MRTFB: variants seen among roughly 807,000 people sequenced by gnomAD.
MRTFB encodes the protein myocardin-related transcription factor B.
In MRTFB, 29 loss-of-function variants were observed where a neutral mutation model predicts 104.2. The observed-to-expected ratio is 0.28, with a 90% CI of 0.21 to 0.38. MRTFB has a LOEUF of 0.38. Ranked by LOEUF, MRTFB falls within the 10% of genes least tolerant of loss-of-function variation. The pLI is 1.00. For missense variants in MRTFB, 1,270 were observed against 1,341.6 expected, an observed-to-expected ratio of 0.95 and a Z score of 0.83; for synonymous variants, 535 against 519.5, an observed-to-expected ratio of 1.03 and a Z score of -0.41.
chr16:14,254,112 G>C (rs897194016), intron 15 of MRTFB, among the ~76,000 whole-genome samples: 4 of 152,188 alleles, frequency 2.6e-5, no homozygotes, highest in Non-Finnish European at 5.9e-5. Flanking sequence ...CTAGGTTCCT[G>C]TTTATAGACT....
the MRTFB span, among the ~76,000 whole-genome samples, chr16:14,011,738 G>C: frequency 6.6e-6 from 1 of 152,122 alleles, no homozygotes; most frequent in Admixed American, 6.5e-5. Context: ...TGGGCGTGGT[G>C]GTGGGCGCCT....
intron 2 of MRTFB, among the ~76,000 whole-genome samples, chr16:14,133,582 C>G (rs959854867): frequency 6.6e-6 from 1 of 152,034 alleles, no homozygotes; most frequent in African/African-American, 2.4e-5. Context: ...TTCTCTTTCC[C>G]TTTCTTTCGT....
At chr16:14,239,164 GA>G (rs2042654232) in intron 9 of MRTFB, among the ~76,000 whole-genome samples, 2 of 150,960 alleles carry the variant, frequency 1.3e-5, no homozygotes, top group Admixed American at 1.3e-4. Flanking sequence ...AGGGATTTAA[GA>G]ATTCATGACA....
At chr16:14,175,509 G>A (rs2039551621) in intron 3 of MRTFB, among the ~76,000 whole-genome samples, 1 of 152,176 alleles carries the variant, frequency 6.6e-6, no homozygotes, top group Non-Finnish European at 1.5e-5. Context: ...ATGGGCAGAT[G>A]ATTGCAGTTT....
chr16:14,024,204 T>A, the MRTFB span, among the ~76,000 whole-genome samples: 17 of 152,240 alleles, frequency 1.1e-4, no homozygotes. Flanking sequence ...GTGCATTTGC[T>A]CAGCATCTAT....
At chr16:14,229,851 G>A (rs1374292459) in intron 8 of MRTFB, among the ~76,000 whole-genome samples, 1 of 152,054 alleles carries the variant, frequency 6.6e-6, no homozygotes, top group African/African-American at 2.4e-5. Flanking sequence ...CGTGAGACCT[G>A]TAACCTGTAA....
At chr16:14,155,471 TC>T (rs2038794149) in intron 3 of MRTFB, among the ~76,000 whole-genome samples, 1 of 152,212 alleles carries the variant, frequency 6.6e-6, no homozygotes, top group South Asian at 2.1e-4. Flanking sequence ...TTTTCCTGCT[TC>T]CTGGTGTAAG....
chr16:14,047,171 G>T, the MRTFB span, among the ~76,000 whole-genome samples: 10 of 152,150 alleles, frequency 6.6e-5, no homozygotes, highest in Non-Finnish European at 1.2e-4. Context: ...GATGCTTTTG[G>T]CTGCAAGTAT....
At chr16:14,227,280 AAAAAC>A (rs1221459466) in intron 8 of MRTFB, among the ~76,000 whole-genome samples, 2 of 145,918 alleles carry the variant, frequency 1.4e-5, no homozygotes, top group African/African-American at 5.5e-5. Context: ...TTGTTGTTAA[AAAAAC>A]AAAAACAAAA....
chr16:14,006,020 C>T, the MRTFB span, among the ~76,000 whole-genome samples: 8 of 151,948 alleles, frequency 5.3e-5, no homozygotes, highest in Non-Finnish European at 8.8e-5. Flanking sequence ...CCATCCTGGC[C>T]AACATGGTGA....
At chr16:14,126,550 C>T (rs978388110) in intron 2 of MRTFB, among the ~76,000 whole-genome samples, 3 of 152,138 alleles carry the variant, frequency 2.0e-5, no homozygotes, top group South Asian at 4.2e-4. Flanking sequence ...TATTATTTCA[C>T]ATAATCGATG....
chr16:14,241,803 T>G (rs865839433), intron 10 of MRTFB, among the ~76,000 whole-genome samples: 5 of 152,198 alleles, frequency 3.3e-5, no homozygotes, highest in African/African-American at 9.6e-5. Context: ...GTTACTATTT[T>G]AAGAGCAGGC....
intron 2 of MRTFB, among the ~76,000 whole-genome samples, chr16:14,122,150 A>G (rs1449250527): frequency 6.6e-6 from 1 of 151,608 alleles, no homozygotes; most frequent in Non-Finnish European, 1.5e-5. Flanking sequence ...TGTTATATAT[A>G]TACACATAGG....
chr16:14,093,370 G>A (rs1021111219), intron 2 of MRTFB, among the ~76,000 whole-genome samples: 26 of 151,596 alleles, frequency 1.7e-4, no homozygotes, highest in African/African-American at 6.3e-4. Context: ...TTGTGTTTTT[G>A]CATATTGCCT....
chr16:13,995,994 G>A, the MRTFB span, among the ~76,000 whole-genome samples: 51 of 152,196 alleles, frequency 3.4e-4, no homozygotes, highest in Middle Eastern at 6.8e-3. Context: ...CCAGGCAGCC[G>A]GGCACGGTGG....
In MRTFB at chr16:14,240,268, A is replaced by C; in HGVS notation, c.863A>C (p.His288Pro). 1 of 1,609,830 alleles carries C rather than the reference A, an allele frequency of 6.2e-7. No homozygotes were observed. Among genetic ancestry groups the C allele is most frequent in the South Asian group, 1.1e-5 (1 of 89,944 alleles). The change falls in exon 10 of 17, where the codon CAC (histidine) becomes CCC (proline). Residue 288 changes from histidine (H) to proline (P), a missense_variant. By Grantham distance (77) the His-to-Pro change is moderately conservative. Coordinates refer to ENST00000571589, the MANE Select transcript of MRTFB (RefSeq NM_001308142.2). Reference protein sequence around the residue: ...QSHPKNPNDKHRSKKCKDPKP... With the variant: ...QSHPKNPNDKPRSKKCKDPKP... ...CATCCCAAGAATCCAAATGACAAAC[A>C]CCGTAGCAAAAAGTGCAAAGATCCC...
intron 2 of MRTFB, among the ~76,000 whole-genome samples, chr16:14,089,310 C>T (rs567737693): frequency 6.6e-6 from 1 of 152,310 alleles, no homozygotes; most frequent in South Asian, 2.1e-4. Flanking sequence ...TCCATTCTCC[C>T]CTCTGTCTCT....
At chr16:14,030,382 G>A in the MRTFB span, among the ~76,000 whole-genome samples, 6 of 152,196 alleles carry the variant, frequency 3.9e-5, no homozygotes, top group Middle Eastern at 3.4e-3. Flanking sequence ...TCAGGCCCTG[G>A]TTCTGCTATT....
At chr16:14,087,533 G>A (rs1894384) in intron 2 of MRTFB, among the ~76,000 whole-genome samples, 35,302 of 152,130 alleles carry the variant, frequency 0.23, 7,766 homozygotes, top group African/African-American at 0.57. Flanking sequence ...TAGTTAGGCA[G>A]TGGCAAATAT....
Sources: gnomAD v4.1 joint callset for allele counts (sites outside exome capture counted in the v4.1 genomes callset) on GRCh38, gnomAD v4.1.1 for gene constraint, MANE v1.5 for transcripts, NCBI Gene and HGNC (gene_info 2026-07-23, HGNC 2026-07-21) for gene names.